The following PGC variants were observed in gnomAD, a reference collection of about 807,000 sequenced individuals.
The protein encoded by PGC is gastricsin.
Under a neutral mutation model 45.9 loss-of-function variants are expected in PGC, and 31 were observed. That is an observed-to-expected ratio of 0.67 (90% CI 0.51 to 0.91). The LOEUF (loss-of-function observed/expected upper bound fraction) is 0.91. PGC is among the 40% of genes least tolerant of loss of function. PGC has a pLI of 0.00. For missense variants in PGC, 477 were observed against 493.2 expected (o/e 0.97, Z 0.31); for synonymous variants, 192 against 201.8 (o/e 0.95, Z 0.41).
chr6:41,738,214 G>A (rs5015772), intron 7 of PGC, among the ~76,000 whole-genome samples: 5,713 of 18,082 alleles, frequency 0.32, 583 homozygotes, highest in Non-Finnish European at 0.42. Flanking sequence ...ATATATATAT[G>A]CATATATATA....
At position 41,744,945 on chromosome 6, in the gene PGC, C is replaced by G. The variant is rs1261756318; in HGVS notation, c.60-137G>C. 6 of 747,190 alleles carry G rather than the reference C, an allele frequency of 8.0e-6. No homozygotes were observed. The Admixed American group carries it at 1.2e-4, about 15-fold the overall frequency. 46.3% of individuals were successfully genotyped at this position (747,190 alleles called of 1,614,324 possible). A position where few individuals can be genotyped will look rare whatever the true frequency, so the allele number is the denominator to read the frequency against. ...TTTGTTCCCCCTTGTCTGTGTGTGT[C>G]TTTTTCTCTCTCTCAGCCTTTTGCT... On this transcript the variant is annotated intron_variant, in intron 1 of 8. Transcript: ENST00000373025. This position sits in a 1 kb window ranked among gnomAD's most constrained non-coding sequence, Gnocchi z 4.4.
intron 5 of PGC, 110 bp from the exon 6 acceptor site, chr6:41,740,720 G>A: frequency 2.0e-6 from 3 of 1,479,068 alleles, no homozygotes; most frequent in Non-Finnish European, 2.7e-6. Flanking sequence ...TCCAGACGGG[G>A]GCTCCCTGAG....
In PGC at chr6:41,744,836, G is replaced by T. The variant is rs367976955; in HGVS notation, c.60-28C>A. On this transcript the variant is annotated intron_variant, in intron 1 of 8. Transcript: ENST00000373025. This position sits in a 1 kb window ranked among gnomAD's most constrained non-coding sequence, Gnocchi z 4.4. ...ACAGAAAGGTTGCATATGAGGCAAG[G>T]CCCTCCCTCCTTCCTCTCTTCCCAC... 3.1e-5 allele frequency: 50 copies of T among 1,602,808 alleles called. No homozygotes were observed. The Middle Eastern group carries it at 4.9e-4, about 16-fold the overall frequency.
At chr6:41,740,774 G>C (rs1771807778) in intron 5 of PGC, 164 bp from the exon 6 acceptor site, 1 of 1,440,570 alleles carries the variant, frequency 6.9e-7, no homozygotes. Context: ...CCTGAGGACA[G>C]GGCTGTATCC....
At chr6:41,738,251 CATAT>C (rs552945752) in intron 7 of PGC, among the ~76,000 whole-genome samples, 2 of 11,690 alleles carry the variant, frequency 1.7e-4, no homozygotes, top group Admixed American at 1.1e-3. Context: ...TATATATATG[CATAT>C]ATATATATGC....
At chr6:41,746,493 C>G (rs548381799) in intron 1 of PGC, among the ~76,000 whole-genome samples, 1 of 152,340 alleles carries the variant, frequency 6.6e-6, no homozygotes, top group South Asian at 2.1e-4. Flanking sequence ...CACTCTCCTT[C>G]CCAGACTTGC....
chr6:41,740,915 G>A (rs1771810376), intron 5 of PGC: 1 of 1,459,396 alleles, frequency 6.9e-7, no homozygotes, highest in East Asian at 2.5e-5. Context: ...GGCTCCCTGG[G>A]GACTGGGATG....
chr6:41,738,242 ATATATATG>A, intron 7 of PGC, among the ~76,000 whole-genome samples: 1 of 18,150 alleles, frequency 5.5e-5, no homozygotes, highest in African/African-American at 1.6e-4. Context: ...ATATATGTAT[ATATATATG>A]CATATATATA....
At chr6:41,745,056 T>C (rs1771907052) in intron 1 of PGC, among the ~76,000 whole-genome samples, 1 of 152,028 alleles carries the variant, frequency 6.6e-6, no homozygotes, top group South Asian at 2.1e-4. Context: ...TCTTCCCCTC[T>C]TTCTTACAAA....
chr6:41,739,179 C>G (rs1771776178), intron 7 of PGC, among the ~76,000 whole-genome samples: 1 of 152,190 alleles, frequency 6.6e-6, no homozygotes. Flanking sequence ...ATACTCAGCC[C>G]CACATTCCAG....
Position 41,744,424 on chromosome 6 carries a change from A to T in PGC, c.301T>A (p.Ser101Thr). The change falls in exon 3 of 9, where the codon TCT becomes ACT. Residue 101 changes from serine (S) to threonine (T), a missense_variant. Physicochemically the swap from Ser to Thr is moderately conservative, Grantham distance 58. Coordinates refer to ENST00000373025, the MANE Select transcript of PGC (RefSeq NM_002630.4). The surrounding 1 kb of genome is among the most constrained non-coding windows in gnomAD (Gnocchi z 4.4). Reference protein sequence around the residue: ...DTGSSNLWVPSVYCQSQACTS... With the variant: ...DTGSSNLWVPTVYCQSQACTS... The stretch of plus-strand genomic sequence containing the variant: ...CAGGCCTGGCTCTGGCAGTAGACAG[A>T]GGGCACCCACAAGTTGGAGGAGCCG... 6.2e-7 allele frequency: 1 copy of T among 1,612,750 alleles called. No homozygotes were observed. Among genetic ancestry groups the T allele is most frequent in the South Asian group, 1.1e-5 (1 of 91,030 alleles).
Position 41,741,795 on chromosome 6 carries a change from C to T in PGC, c.647+495G>A, listed in dbSNP as rs1423345030. On this transcript the variant is annotated intron_variant, in intron 5 of 8. Coordinates refer to ENST00000373025, the MANE Select transcript of PGC (RefSeq NM_002630.4). Reference sequence around the variant, plus strand: ...TTGTGTTGACTGGCAAGGATAACAACCTGCTAGGGGTCAGCAGTGGACCTA... The same window carrying T: ...TTGTGTTGACTGGCAAGGATAACAATCTGCTAGGGGTCAGCAGTGGACCTA... 2.0e-6 allele frequency: 3 copies of T among 1,535,882 alleles called. No homozygotes were observed. In the African/African-American group the frequency reaches 4.1e-5, roughly 21 times the overall value.
chr6:41,741,292 T>C (rs967359537), intron 5 of PGC: 3 of 1,341,696 alleles, frequency 2.2e-6, no homozygotes, highest in Non-Finnish European at 3.0e-6. Context: ...AGTAACAGGG[T>C]GAGGTCCTTG....
At chr6:41,741,235 C>T (rs1225004881) in intron 5 of PGC, 4 of 1,458,946 alleles carry the variant, frequency 2.7e-6, no homozygotes, top group African/African-American at 2.9e-5. Flanking sequence ...GCTCTGTTTA[C>T]ACGCAGAGGA....
intron 6 of PGC, 23 bp downstream of exon 6, chr6:41,740,468 C>T: frequency 6.3e-7 from 1 of 1,594,418 alleles, no homozygotes; most frequent in South Asian, 1.1e-5. Context: ...TGCCACATCC[C>T]CAGGGCCCCA....
chr6:41,743,626 TC>T (rs1045277167), intron 3 of PGC, among the ~76,000 whole-genome samples: 2 of 152,168 alleles, frequency 1.3e-5, no homozygotes, highest in Admixed American at 6.5e-5. Context: ...GACTGTGGCC[TC>T]CCTGTGGACA....
intron 7 of PGC, among the ~76,000 whole-genome samples, chr6:41,738,123 CA>C (rs1771722934): frequency 1.5e-5 from 1 of 67,902 alleles, no homozygotes; most frequent in African/African-American, 5.0e-5. Flanking sequence ...TGCCTATATA[CA>C]TATATATGCA....
chr6:41,739,976 G>A (rs755893245), intron 6 of PGC, 30 bp from the exon 7 acceptor site: 2 of 1,607,470 alleles, frequency 1.2e-6, no homozygotes, highest in East Asian at 4.5e-5. Context: ...GCAGCCTCAG[G>A]ACTCCCCCAG....
rs1215764244 is a variant in PGC at position 41,744,985 on chromosome 6, GTCTGTCTC to G, written c.60-185_60-178del. On this transcript the variant is annotated intron_variant, in intron 1 of 8. Transcript: ENST00000373025. This position sits in a 1 kb window ranked among gnomAD's most constrained non-coding sequence, Gnocchi z 4.4. The stretch of plus-strand genomic sequence containing the variant: ...AGCCTTTTGCTCTCTGTCTCTGTCT[GTCTGTCTC>G]TCTGTGTGTGTGTGTGTGTGTGCGC... 4.1e-5 allele frequency among the ~76,000 whole-genome samples: 4 copies of G among 96,990 alleles called. 1 individual carries two copies. In the South Asian group the frequency reaches 1.5e-3, roughly 36 times the overall value. 63.6% of individuals were successfully genotyped at this position (96,990 alleles called of 152,430 possible).
Sources: gnomAD v4.1 joint callset for allele counts (sites outside exome capture counted in the v4.1 genomes callset) on GRCh38, gnomAD v4.1.1 for gene constraint, Gnocchi (gnomAD v3.1) non-coding constraint, MANE v1.5 for transcripts, NCBI Gene and HGNC (gene_info 2026-07-23, HGNC 2026-07-21) for gene names.